The following ULK4 variants were observed in gnomAD, a reference collection of about 807,000 sequenced individuals.
ULK4 encodes inactive serine/threonine-protein kinase ULK4.
Under a neutral mutation model 160.6 loss-of-function variants are expected in ULK4, and 133 were observed. The observed-to-expected ratio is 0.83, with a 90% CI of 0.72 to 0.96. The LOEUF is 0.96. Among genes scored for constraint, ULK4 ranks in the 40% least tolerant of loss-of-function variants. The pLI is 0.00. For synonymous variants in ULK4, 534 were observed against 539.8 expected (o/e 0.99, Z 0.15); for missense variants, 1,580 against 1,499.5 (o/e 1.05, Z -0.89).
At chr3:41,285,072 T>C (rs1308592615) in intron 35 of ULK4, among the ~76,000 whole-genome samples, 2 of 152,060 alleles carry the variant, frequency 1.3e-5, no homozygotes, top group African/African-American at 2.4e-5. Flanking sequence ...ATGGCCATAA[T>C]CAAAAAAATC....
chr3:41,397,578 T>A (rs2082088577), intron 35 of ULK4, among the ~76,000 whole-genome samples: 1 of 151,992 alleles, frequency 6.6e-6, no homozygotes, highest in African/African-American at 2.4e-5. Context: ...TGGCCTATAA[T>A]CTTCAAAAAT....
chr3:41,790,662 C>T (rs1034085313), intron 20 of ULK4, among the ~76,000 whole-genome samples: 12 of 152,088 alleles, frequency 7.9e-5, no homozygotes, highest in Non-Finnish European at 5.9e-5. Context: ...GACATAAAGA[C>T]GTAAGCTGTC....
intron 20 of ULK4, among the ~76,000 whole-genome samples, chr3:41,797,868 A>G (rs1351881807): frequency 6.6e-6 from 1 of 152,144 alleles, no homozygotes; most frequent in East Asian, 1.9e-4. Flanking sequence ...TCTCAAAAAG[A>G]AAAAGAAAAT....
rs149488685 is a variant in ULK4, at chr3:41,547,630, G to A, written c.3226+18395C>T. Among the ~76,000 whole-genome samples, 1,168 of 152,190 alleles carry A rather than the reference G, an allele frequency of 7.7e-3. 10 individuals are homozygous for A. The highest frequency in any genetic ancestry group is 0.034 in the Middle Eastern group (10 of 294). On this transcript the variant is annotated intron_variant, in intron 32 of 36. Transcript: ENST00000301831. ...ACAGGGATTTCACACAGGGTCCCAC[G>A]CATTCTCCCAAGACCCAAGTAGCTG...
chr3:41,642,431 C>T (rs545806438), intron 30 of ULK4, among the ~76,000 whole-genome samples: 96 of 152,160 alleles, frequency 6.3e-4, no homozygotes, highest in African/African-American at 2.3e-3. Context: ...TGAGTGAGAA[C>T]ATGCAGTGTT....
At chr3:41,768,057 T>C (rs1385706779) in intron 21 of ULK4, among the ~76,000 whole-genome samples, 3 of 152,148 alleles carry the variant, frequency 2.0e-5, no homozygotes, top group Admixed American at 6.5e-5. Context: ...CAGATTCTCA[T>C]AGGAGTGTGA....
chr3:41,721,255 ATTTTTTTTTTTTTT>A (rs67078042), intron 22 of ULK4, among the ~76,000 whole-genome samples: 3 of 45,044 alleles, frequency 6.7e-5, no homozygotes, highest in East Asian at 1.0e-3. Flanking sequence ...TTCGCTTTGA[ATTTTTTTTTTTTTT>A]TTTTTTTTTT....
intron 22 of ULK4, among the ~76,000 whole-genome samples, chr3:41,736,720 T>G (rs377219052): frequency 0.12 from 18,604 of 149,622 alleles, 3,736 homozygotes; most frequent in African/African-American, 0.42. Flanking sequence ...GTCAATTTTG[T>G]CTTTTGTTGC....
At chr3:41,688,582 C>T (rs1300239782) in intron 27 of ULK4, among the ~76,000 whole-genome samples, 1 of 151,980 alleles carries the variant, frequency 6.6e-6, no homozygotes, top group African/African-American at 2.4e-5. Context: ...GTTTGTGGTA[C>T]AGAATGTCAA....
chr3:41,410,360 C>T (rs1451573604), intron 34 of ULK4, among the ~76,000 whole-genome samples: 3 of 152,120 alleles, frequency 2.0e-5, no homozygotes, highest in Non-Finnish European at 4.4e-5. Flanking sequence ...AGGAATGAAG[C>T]ACTGATCCGT....
intron 17 of ULK4, among the ~76,000 whole-genome samples, chr3:41,878,972 G>A (rs1254944443): frequency 2.0e-5 from 3 of 152,210 alleles, no homozygotes; most frequent in East Asian, 3.9e-4. Flanking sequence ...AGGAAAGGCA[G>A]GTGATAAAGG....
intron 27 of ULK4, among the ~76,000 whole-genome samples, chr3:41,688,344 A>G (rs1650350268): frequency 6.6e-6 from 1 of 152,196 alleles, no homozygotes; most frequent in South Asian, 2.1e-4. Flanking sequence ...GCTTGAGCCC[A>G]GGAGTTTGAG....
At chr3:41,840,514 T>G (rs1405091540) in intron 17 of ULK4, among the ~76,000 whole-genome samples, 3 of 152,230 alleles carry the variant, frequency 2.0e-5, no homozygotes, top group Middle Eastern at 3.2e-3. Context: ...TGCCTGCGAT[T>G]GCAGGCGCGC....
At chr3:41,887,357 T>G (rs937342130) in intron 16 of ULK4, among the ~76,000 whole-genome samples, 6 of 152,226 alleles carry the variant, frequency 3.9e-5, no homozygotes, top group Non-Finnish European at 7.3e-5. Flanking sequence ...ATATTAACAG[T>G]TAACTGCATT....
intron 12 of ULK4, among the ~76,000 whole-genome samples, chr3:41,901,449 G>A (rs1279799307): frequency 1.5e-5 from 2 of 137,648 alleles, no homozygotes; most frequent in East Asian, 2.2e-4. Context: ...CAAAGTGCTG[G>A]GATTACAGGC....
intron 30 of ULK4, among the ~76,000 whole-genome samples, chr3:41,653,471 A>G (rs572510765): frequency 6.6e-6 from 1 of 152,182 alleles, no homozygotes; most frequent in Non-Finnish European, 1.5e-5. Context: ...TTCAATGGCA[A>G]TTGTCTCCTG....
intron 30 of ULK4, among the ~76,000 whole-genome samples, chr3:41,634,073 CCCT>C (rs1290323502): frequency 7.2e-5 from 11 of 152,188 alleles, no homozygotes; most frequent in Non-Finnish European, 1.6e-4. Context: ...AGCAACCCTG[CCCT>C]AACAGGAAAT....
intron 27 of ULK4, among the ~76,000 whole-genome samples, chr3:41,694,344 T>C (rs1480859036): frequency 2.0e-5 from 3 of 152,128 alleles, no homozygotes; most frequent in Admixed American, 6.5e-5. Flanking sequence ...CCACACATAA[T>C]TGAGTAGGAG....
chr3:41,437,458 T>A (rs537277398), intron 34 of ULK4, among the ~76,000 whole-genome samples: 3 of 152,222 alleles, frequency 2.0e-5, no homozygotes, highest in Admixed American at 2.0e-4. Context: ...ATAGGGAAAA[T>A]GTTGGGTATC....
Sources: gnomAD v4.1 joint callset for allele counts (sites outside exome capture counted in the v4.1 genomes callset) on GRCh38, gnomAD v4.1.1 for gene constraint, MANE v1.5 for transcripts, NCBI Gene and HGNC (gene_info 2026-07-23, HGNC 2026-07-21) for gene names.